The following PRKCB variants were observed in gnomAD, a reference collection of about 807,000 sequenced individuals.
PRKCB encodes protein kinase C beta type.
A neutral mutation model predicts 81.5 loss-of-function variants in PRKCB; 13 were observed. That is an observed-to-expected ratio of 0.16 (90% CI 0.10 to 0.25). The LOEUF is 0.25. Among genes scored for constraint, PRKCB ranks in the 10% least tolerant of loss-of-function variants. The pLI is 1.00. For synonymous variants in PRKCB, 335 were observed against 321.4 expected (o/e 1.04, Z -0.45); for missense variants, 509 against 875.7 (o/e 0.58, Z 5.29).
intron 3 of PRKCB, among the ~76,000 whole-genome samples, chr16:24,022,482 ATTCT>A (rs544441377): frequency 5.9e-4 from 89 of 152,104 alleles, no homozygotes; most frequent in African/African-American, 2.0e-3. Flanking sequence ...CACATTTTTT[ATTCT>A]TTCTTTCTTT....
At chr16:24,027,747 T>G (rs1348155631) in intron 3 of PRKCB, among the ~76,000 whole-genome samples, 1 of 152,196 alleles carries the variant, frequency 6.6e-6, no homozygotes, top group Non-Finnish European at 1.5e-5. Context: ...TATTGAGACA[T>G]ACGTTTCCTG....
At chr16:24,036,438 T>A (rs1965620107) in intron 5 of PRKCB, among the ~76,000 whole-genome samples, 1 of 152,182 alleles carries the variant, frequency 6.6e-6, no homozygotes, top group Admixed American at 6.5e-5. Context: ...TACTGTGGAC[T>A]TTATATATCT....
At chr16:24,026,714 G>A (rs183127062) in intron 3 of PRKCB, among the ~76,000 whole-genome samples, 61 of 152,358 alleles carry the variant, frequency 4.0e-4, no homozygotes, top group African/African-American at 1.4e-3. Context: ...CTAGGTCTTG[G>A]AGAGGAGCTG....
chr16:23,875,638 CAT>C (rs1418713322), intron 2 of PRKCB, among the ~76,000 whole-genome samples: 1 of 90,510 alleles, frequency 1.1e-5, no homozygotes, highest in African/African-American at 3.7e-5. Context: ...GTATATCACA[CAT>C]ATATGTATGT....
At chr16:24,060,967 T>G (rs1044696738) in intron 5 of PRKCB, among the ~76,000 whole-genome samples, 2 of 152,250 alleles carry the variant, frequency 1.3e-5, no homozygotes, top group Non-Finnish European at 2.9e-5. Context: ...GTATCTTTTC[T>G]CTAAAATATA....
At chr16:24,214,341 G>A (rs1265989968) in intron 16 of PRKCB, among the ~76,000 whole-genome samples, 1 of 152,012 alleles carries the variant, frequency 6.6e-6, no homozygotes, top group Non-Finnish European at 1.5e-5. Flanking sequence ...TGGGTTGGGG[G>A]GACATGCCAC....
intron 2 of PRKCB, among the ~76,000 whole-genome samples, chr16:23,880,976 T>C (rs1308468479): frequency 1.3e-5 from 2 of 152,110 alleles, no homozygotes; most frequent in Non-Finnish European, 2.9e-5. Context: ...ACAGGTGCCC[T>C]CCGGATGGTC....
intron 2 of PRKCB, among the ~76,000 whole-genome samples, chr16:23,942,845 T>C (rs1401089070): frequency 6.6e-6 from 1 of 152,218 alleles, no homozygotes; most frequent in Non-Finnish European, 1.5e-5. Flanking sequence ...CTGAGGTTTC[T>C]TAACGTCTGC....
chr16:24,079,859 G>C (rs2141891612), intron 5 of PRKCB, among the ~76,000 whole-genome samples: 1 of 152,236 alleles, frequency 6.6e-6, no homozygotes, highest in Non-Finnish European at 1.5e-5. Context: ...GCATAATGAA[G>C]GCTGTTGGTA....
chr16:23,861,036 C>T (rs2141090255), intron 2 of PRKCB, among the ~76,000 whole-genome samples: 1 of 152,288 alleles, frequency 6.6e-6, no homozygotes, highest in African/African-American at 2.4e-5. Context: ...ATGAAGCAAT[C>T]TCAGACTCAG....
intron 2 of PRKCB, among the ~76,000 whole-genome samples, chr16:23,870,637 G>A (rs896819131): frequency 1.3e-5 from 2 of 152,140 alleles, no homozygotes; most frequent in African/African-American, 2.4e-5. Flanking sequence ...CTGCTTCAGG[G>A]CATCAGCCTG....
At chr16:23,953,692 ACATTCATT>A (rs376772797) in intron 2 of PRKCB, among the ~76,000 whole-genome samples, 353 of 152,320 alleles carry the variant, frequency 2.3e-3, no homozygotes, top group African/African-American at 8.1e-3. Context: ...ATGCGTGAGC[ACATTCATT>A]CATTCATTCA....
intron 2 of PRKCB, among the ~76,000 whole-genome samples, chr16:23,909,520 G>A (rs570449555): frequency 2.6e-4 from 40 of 152,244 alleles, no homozygotes; most frequent in African/African-American, 9.4e-4. Context: ...TATTACATGG[G>A]TATATTGCAT....
At chr16:24,167,561 G>GAA (rs60263864) in intron 10 of PRKCB, among the ~76,000 whole-genome samples, 5 of 142,798 alleles carry the variant, frequency 3.5e-5, no homozygotes, top group East Asian at 2.0e-4. Flanking sequence ...CCCTGCCACA[G>GAA]AAAAAAAAAA....
chr16:24,179,571 G>A (rs1419486182), intron 12 of PRKCB, among the ~76,000 whole-genome samples: 1 of 152,204 alleles, frequency 6.6e-6, no homozygotes, highest in African/African-American at 2.4e-5. Context: ...AAAGTGTGTT[G>A]ATATTGGAGC....
At chr16:24,162,621 T>A (rs946274597) in intron 10 of PRKCB, among the ~76,000 whole-genome samples, 5 of 149,974 alleles carry the variant, frequency 3.3e-5, no homozygotes, top group Non-Finnish European at 7.4e-5. Context: ...ACTAATTTTT[T>A]AAAATTTTTT....
intron 9 of PRKCB, among the ~76,000 whole-genome samples, chr16:24,152,484 C>T (rs1455597456): frequency 6.6e-6 from 1 of 152,148 alleles, no homozygotes; most frequent in Non-Finnish European, 1.5e-5. Context: ...TCTTACTGGG[C>T]TCTGGAGTTT....
chr16:24,066,130 G>A (rs1027855726), intron 5 of PRKCB, among the ~76,000 whole-genome samples: 2 of 145,084 alleles, frequency 1.4e-5, no homozygotes. Context: ...TGTTTATCTT[G>A]GTTGGTGTTT....
intron 7 of PRKCB, chr16:24,098,499 C>T (rs1966468490): frequency 6.6e-6 from 1 of 152,208 alleles, no homozygotes; most frequent in Non-Finnish European, 1.5e-5. Context: ...CCTGTAATCC[C>T]AACACTTTGG....
Sources: gnomAD v4.1 joint callset for allele counts (sites outside exome capture counted in the v4.1 genomes callset) on GRCh38, gnomAD v4.1.1 for gene constraint, MANE v1.5 for transcripts, NCBI Gene and HGNC (gene_info 2026-07-23, HGNC 2026-07-21) for gene names.